The following KLHL29 variants were observed in gnomAD, a reference collection of about 807,000 sequenced individuals.
The protein encoded by KLHL29 is kelch-like protein 29.
A neutral mutation model predicts 80.4 loss-of-function variants in KLHL29; 21 were observed. The ratio of observed to expected loss-of-function variants is 0.26; its 90% CI spans 0.19 to 0.38. The LOEUF (loss-of-function observed/expected upper bound fraction) is 0.38. Ranked by LOEUF, KLHL29 falls within the 10% of genes least tolerant of loss-of-function variation. The pLI is 1.00. For missense variants in KLHL29, 867 were observed against 1,223.9 expected, an observed-to-expected ratio of 0.71 and a Z score of 4.35; for synonymous variants, 511 against 526.8, an observed-to-expected ratio of 0.97 and a Z score of 0.41.
intron 1 of KLHL29, among the ~76,000 whole-genome samples, chr2:23,422,970 C>T (rs188725521): frequency 2.1e-4 from 32 of 152,364 alleles, no homozygotes; most frequent in African/African-American, 7.7e-4. Context: ...GCCATTTATG[C>T]CCCTATTGCT....
rs1670642586 is a variant in KLHL29, at chr2:23,669,324, A to G, written c.941-15075A>G. 1 of 152,158 alleles carries G rather than the reference A, an allele frequency of 6.6e-6. No homozygotes were observed. The highest frequency in any genetic ancestry group is 6.5e-5 in the Admixed American group (1 of 15,284). 9.4% of individuals were successfully genotyped at this position (152,158 alleles called of 1,614,324 possible). A position where few individuals can be genotyped will look rare whatever the true frequency, so the allele number is the denominator to read the frequency against. ...TGAGCCAAGTGTGATGGGACCACAG[A>G]GTGGCAGCTGATCTTACCGAATGGG... On this transcript the variant is annotated intron_variant, in intron 5 of 13. Coordinates refer to ENST00000486442, the MANE Select transcript of KLHL29 (RefSeq NM_052920.2). This position sits in a 1 kb window ranked among gnomAD's most constrained non-coding sequence, Gnocchi z 4.3.
At chr2:23,577,520 G>A (rs1667873021) in intron 3 of KLHL29, among the ~76,000 whole-genome samples, 1 of 151,926 alleles carries the variant, frequency 6.6e-6, no homozygotes, top group Non-Finnish European at 1.5e-5. Context: ...GCTGAGGCGG[G>A]TGGGTCACCT....
At chr2:23,500,836 G>A (rs1665416658) in intron 2 of KLHL29, among the ~76,000 whole-genome samples, 1 of 152,204 alleles carries the variant, frequency 6.6e-6, no homozygotes, top group Non-Finnish European at 1.5e-5. Context: ...TGCACGTGGA[G>A]TGAGTAGCTT....
intron 5 of KLHL29, among the ~76,000 whole-genome samples, chr2:23,645,227 A>T (rs558108722): frequency 1.3e-5 from 2 of 152,278 alleles, no homozygotes; most frequent in African/African-American, 4.8e-5. Flanking sequence ...CATATTTTTT[A>T]AAATAAGAAA....
At chr2:23,454,481 C>T (rs982122625) in intron 1 of KLHL29, among the ~76,000 whole-genome samples, 3 of 152,150 alleles carry the variant, frequency 2.0e-5, no homozygotes, top group African/African-American at 7.2e-5. Context: ...CCCAGGCAGA[C>T]TCCATTTAAA....
intron 2 of KLHL29, among the ~76,000 whole-genome samples, chr2:23,539,773 A>G (rs1414357006): frequency 2.6e-5 from 4 of 151,784 alleles, no homozygotes; most frequent in Non-Finnish European, 5.9e-5. Flanking sequence ...TCCTTCATAC[A>G]TTGTATTTCC....
chr2:23,438,217 T>C (rs55799323), intron 1 of KLHL29, among the ~76,000 whole-genome samples: 74,704 of 149,116 alleles, frequency 0.5, 19,982 homozygotes, highest in African/African-American at 0.7. Flanking sequence ...TGGGCTGAGA[T>C]GATGGGGTTT....
chr2:23,490,874 G>A (rs1481158870), intron 2 of KLHL29, among the ~76,000 whole-genome samples: 1 of 152,174 alleles, frequency 6.6e-6, no homozygotes, highest in Non-Finnish European at 1.5e-5. Flanking sequence ...CCATCCAGTT[G>A]CCAGCTGTGG....
chr2:23,670,107 G>T (rs770466913), intron 5 of KLHL29: 6 of 149,204 alleles, frequency 4.0e-5, no homozygotes, highest in African/African-American at 1.5e-4. Flanking sequence ...AGATCGTCAC[G>T]TGGAGCCCAG....
intron 3 of KLHL29, among the ~76,000 whole-genome samples, chr2:23,580,998 A>G (rs1667966850): frequency 6.6e-6 from 1 of 152,240 alleles, no homozygotes; most frequent in South Asian, 2.1e-4. Flanking sequence ...AATAAAATCT[A>G]GCCCATTCTA....
At chr2:23,490,064 T>G (rs1229119892) in intron 2 of KLHL29, among the ~76,000 whole-genome samples, 1 of 152,218 alleles carries the variant, frequency 6.6e-6, no homozygotes, top group Non-Finnish European at 1.5e-5. Context: ...ATTTCATGAG[T>G]GCGCACTGGG....
intron 1 of KLHL29, among the ~76,000 whole-genome samples, chr2:23,455,233 C>G (rs1212776649): frequency 2.0e-5 from 3 of 152,144 alleles, no homozygotes; most frequent in Non-Finnish European, 4.4e-5. Flanking sequence ...AATCCTTGAC[C>G]TCTTGTGACT....
At chr2:23,473,319 C>T (rs1233747649) in intron 1 of KLHL29, among the ~76,000 whole-genome samples, 1 of 151,996 alleles carries the variant, frequency 6.6e-6, no homozygotes. Flanking sequence ...CCAGGGCTCG[C>T]CTGGGAGAGG....
Position 23,457,543 on chromosome 2 carries a change from G to A in KLHL29, c.-153-18017G>A, listed in dbSNP as rs942395580. The stretch of plus-strand genomic sequence containing the variant: ...TCACCTTGTGTTCCCCGAGGTGGGG[G>A]TGCCTCTGGAATTCCCTGTTCTGCT... On this transcript the variant is annotated intron_variant, in intron 1 of 13. Coordinates refer to ENST00000486442, the MANE Select transcript of KLHL29 (RefSeq NM_052920.2). This position sits in a 1 kb window ranked among gnomAD's most constrained non-coding sequence, Gnocchi z 4.3. Among the ~76,000 whole-genome samples the A allele has an allele frequency of 6.6e-6, 1 of 152,166 alleles. No individual in the cohort carries two copies. Among genetic ancestry groups the A allele is most frequent in the Non-Finnish European group, 1.5e-5 (1 of 68,040 alleles).
At chr2:23,557,273 A>T (rs866153663) in intron 2 of KLHL29, among the ~76,000 whole-genome samples, 2 of 152,134 alleles carry the variant, frequency 1.3e-5, no homozygotes, top group African/African-American at 2.4e-5. Flanking sequence ...CCCAGCAGAA[A>T]ATATTTAAGT....
intron 1 of KLHL29, among the ~76,000 whole-genome samples, chr2:23,422,894 A>G (rs1364545896): frequency 6.6e-6 from 1 of 152,236 alleles, no homozygotes; most frequent in Non-Finnish European, 1.5e-5. Flanking sequence ...TGAATTCCCC[A>G]TTCAGTGCTG....
intron 2 of KLHL29, among the ~76,000 whole-genome samples, chr2:23,552,279 T>G (rs72849094): frequency 0.017 from 2,548 of 152,336 alleles, 84 homozygotes; most frequent in African/African-American, 0.059. Context: ...CTTCTGGCCA[T>G]GCTGGCTGTG....
At chr2:23,473,903 C>G (rs527998719) in intron 1 of KLHL29, among the ~76,000 whole-genome samples, 1 of 152,246 alleles carries the variant, frequency 6.6e-6, no homozygotes, top group Non-Finnish European at 1.5e-5. Flanking sequence ...ACTGGCTGTT[C>G]CCTCTGCCTA....
intron 1 of KLHL29, among the ~76,000 whole-genome samples, chr2:23,386,109 C>T (rs991435279): frequency 5.3e-5 from 8 of 152,126 alleles, no homozygotes; most frequent in Non-Finnish European, 1.0e-4. Context: ...CTGGCCGGAG[C>T]AGCCCCCCTG....
Sources: gnomAD v4.1 joint callset for allele counts (sites outside exome capture counted in the v4.1 genomes callset) on GRCh38, gnomAD v4.1.1 for gene constraint, Gnocchi (gnomAD v3.1) non-coding constraint, MANE v1.5 for transcripts, NCBI Gene and HGNC (gene_info 2026-07-23, HGNC 2026-07-21) for gene names.